Variants in EIF4ENIF1 observed in about 807,000 individuals in gnomAD.
EIF4ENIF1 encodes the protein eukaryotic translation initiation factor 4E nuclear import factor 1, also known as eukaryotic translation initiation factor 4E transporter.
In EIF4ENIF1, 23 loss-of-function variants were observed where a neutral mutation model predicts 110.5. The ratio of observed to expected loss-of-function variants is 0.21; its 90% CI spans 0.15 to 0.29. The LOEUF (loss-of-function observed/expected upper bound fraction) is 0.29, where lower values mean the gene tolerates loss of function less well. Among genes scored for constraint, EIF4ENIF1 ranks in the 10% least tolerant of loss-of-function variants. The pLI is 1.00. For synonymous variants in EIF4ENIF1, 440 were observed against 437.0 expected (o/e 1.01, Z -0.09); for missense variants, 1,031 against 1,221.1 (o/e 0.84, Z 2.32).
chr22:31,440,802 G>A lies in EIF4ENIF1; in HGVS notation c.2618C>T (p.Pro873Leu), dbSNP rs1368507261. 4 of 1,613,830 alleles carry A rather than the reference G, an allele frequency of 2.5e-6. No individual in the cohort carries two copies. Among genetic ancestry groups the A allele is most frequent in the Non-Finnish European group, 3.4e-6 (4 of 1,179,882 alleles). ...ACTAGCAGCAGGTAAAGGGTAAAAG[G>A]GCTGACCCAGGATGGGGCCAGATAT... ...QGISGPILGQ[P>L]FYPLPAASHP... The change falls in exon 18 of 19, where the codon CCC becomes CTC. Residue 873 changes from proline (P) to leucine (L), a missense_variant. Around this residue, in one of 3 missense-constraint regions of EIF4ENIF1, gnomAD observed 309 missense variants for 299.1 expected, o/e 1.03. Transcript: ENST00000330125.
At chr22:31,450,141 C>T in intron 11 of EIF4ENIF1, 148 bp downstream of exon 11, 2 of 677,638 alleles carry the variant, frequency 3.0e-6, no homozygotes, top group South Asian at 3.6e-5. Context: ...AAAAGCAACA[C>T]CAAACTATGT....
intron 17 of EIF4ENIF1, among the ~76,000 whole-genome samples, chr22:31,441,550 G>GAAAAAAAAAAAAAAAA (rs771597260): frequency 4.4e-4 from 29 of 65,246 alleles, no homozygotes; most frequent in African/African-American, 1.5e-3. Flanking sequence ...CTACAAAAAG[G>GAAAAAAAAAAAAAAAA]AAAAAAAAAA....
downstream of EIF4ENIF1, among the ~76,000 whole-genome samples, chr22:31,438,181 G>C (rs1407486538): frequency 6.6e-6 from 1 of 152,078 alleles, no homozygotes; most frequent in Non-Finnish European, 1.5e-5. Flanking sequence ...TCCTAAAATG[G>C]TCCTGAATGG....
intron 18 of EIF4ENIF1, 145 bp from the exon 19 acceptor site, chr22:31,440,266 C>A: frequency 1.6e-6 from 2 of 1,229,234 alleles, no homozygotes; most frequent in Non-Finnish European, 2.3e-6. Flanking sequence ...AAAATACCAA[C>A]AATGCCAGAA....
intron 3 of EIF4ENIF1, among the ~76,000 whole-genome samples, chr22:31,471,277 G>A (rs1407030565): frequency 6.6e-6 from 1 of 151,180 alleles, no homozygotes; most frequent in Non-Finnish European, 1.5e-5. Context: ...AAAACCACTG[G>A]TAGAGGACAA....
chr22:31,453,298 T>C, intron 10 of EIF4ENIF1: 1 of 353,676 alleles, frequency 2.8e-6, no homozygotes, highest in Non-Finnish European at 5.6e-6. Context: ...TGCCTACAAG[T>C]TTTGTTTTTA....
At chr22:31,450,840 A>C (rs2050635351) in intron 10 of EIF4ENIF1, 1 of 145,884 alleles carries the variant, frequency 6.9e-6, no homozygotes, top group Non-Finnish European at 1.4e-5. Flanking sequence ...ACATATATAT[A>C]TACTACACAC....
chr22:31,476,533 G>A (rs772998595), intron 2 of EIF4ENIF1, among the ~76,000 whole-genome samples: 2 of 152,110 alleles, frequency 1.3e-5, no homozygotes, highest in Non-Finnish European at 2.9e-5. Flanking sequence ...TAAAGAGAGA[G>A]GACAACTAAA....
At chr22:31,459,449 A>T (rs1453727933) in intron 6 of EIF4ENIF1, among the ~76,000 whole-genome samples, 1 of 152,164 alleles carries the variant, frequency 6.6e-6, no homozygotes, top group Non-Finnish European at 1.5e-5. Flanking sequence ...TCATCCTTCA[A>T]GGCGAAATTC....
chr22:31,458,897 C>G (rs2050908203), intron 6 of EIF4ENIF1, among the ~76,000 whole-genome samples: 1 of 146,206 alleles, frequency 6.8e-6, no homozygotes, highest in South Asian at 2.2e-4. Flanking sequence ...TTCGTGGGAA[C>G]TTCATATTTT....
chr22:31,454,454 T>C, intron 9 of EIF4ENIF1, 78 bp from the exon 10 acceptor site: 1 of 1,204,758 alleles, frequency 8.3e-7, no homozygotes, highest in Non-Finnish European at 1.2e-6. Flanking sequence ...GTATGACAGA[T>C]AAGATGAAAA....
intron 6 of EIF4ENIF1, among the ~76,000 whole-genome samples, chr22:31,459,510 C>T (rs192034293): frequency 6.6e-6 from 1 of 152,192 alleles, no homozygotes; most frequent in Non-Finnish European, 1.5e-5. Context: ...TTTTGCCCTA[C>T]CTAGTAAAAT....
At chr22:31,462,424 G>T (rs1209341280) in intron 6 of EIF4ENIF1, among the ~76,000 whole-genome samples, 5 of 151,576 alleles carry the variant, frequency 3.3e-5, no homozygotes, top group African/African-American at 1.2e-4. Context: ...AATGGAGGCT[G>T]CAGTGAGCTG....
At chr22:31,461,279 T>C (rs2050985416) in intron 6 of EIF4ENIF1, among the ~76,000 whole-genome samples, 1 of 152,194 alleles carries the variant, frequency 6.6e-6, no homozygotes. Flanking sequence ...ACCATCAGCC[T>C]GGGACTGGCC....
In EIF4ENIF1 at chr22:31,455,944, C is replaced by T. The variant is rs1166291611; in HGVS notation, c.1007G>A (p.Arg336Gln). 1.9e-6 allele frequency: 3 copies of T among 1,614,076 alleles called. No individual in the cohort carries two copies. The highest frequency in any genetic ancestry group is 1.7e-5 in the Admixed American group (1 of 59,990). ...CGGGTTAGAGAACCACCTACTGAAC[C>T]GACTGGCAGAGACTGACCCTTCTCC... The part of the protein sequence containing the change: ...VLGEGSVSAS[R>Q]FSRWFSNPSR... Residue 336 changes from arginine (R) to glutamine (Q), a missense_variant, in exon 8 of 19, where the codon CGG (arginine) becomes CAG (glutamine). By Grantham distance (43) the Arg-to-Gln change is conservative (BLOSUM62 1). Around this residue, in one of 3 missense-constraint regions of EIF4ENIF1, gnomAD observed 704 missense variants for 879.7 expected, o/e 0.80. Coordinates refer to ENST00000330125, the MANE Select transcript of EIF4ENIF1 (RefSeq NM_019843.4).
At chr22:31,466,677 T>C (rs2051201992) in intron 4 of EIF4ENIF1, among the ~76,000 whole-genome samples, 1 of 146,166 alleles carries the variant, frequency 6.8e-6, no homozygotes, top group Admixed American at 6.9e-5. Context: ...CACATAGGAA[T>C]ACTAGGGAAC....
At chr22:31,492,889 G>A (rs181803167), upstream of EIF4ENIF1, among the ~76,000 whole-genome samples, 48 of 152,022 alleles carry the variant, frequency 3.2e-4, no homozygotes, top group African/African-American at 6.8e-4. Context: ...ATGCCACCAC[G>A]CCCAGCTAAT....
chr22:31,444,081 A>T (rs1281726919), intron 15 of EIF4ENIF1, among the ~76,000 whole-genome samples: 1 of 152,192 alleles, frequency 6.6e-6, no homozygotes, highest in Non-Finnish European at 1.5e-5. Flanking sequence ...TACAGGCGTG[A>T]GCCACCACGC....
rs141669369 is a variant in EIF4ENIF1 at position 31,447,492 on chromosome 22, G to T, written c.1922C>A (p.Ala641Glu). 32 of 1,613,000 alleles carry T rather than the reference G, an allele frequency of 2.0e-5. No homozygotes were observed. In the African/African-American group the frequency reaches 3.3e-4, roughly 17 times the overall value. The change falls in exon 14 of 19, where the codon GCA becomes GAA. Residue 641 changes from alanine (A) to glutamate (E), a missense_variant. Transcript: ENST00000330125. ...ALPHDLAVQAANFYQPGFGKP... is the reference protein window; with the variant it reads ...ALPHDLAVQAENFYQPGFGKP... Reference sequence around the variant, plus strand: ...GCCAAAACCAGGCTGGTAGAAGTTTGCTGCCTGTACAGCAAGGTCATGTGG... The same window carrying T: ...GCCAAAACCAGGCTGGTAGAAGTTTTCTGCCTGTACAGCAAGGTCATGTGG...
Sources: gnomAD v4.1 joint callset for allele counts (sites outside exome capture counted in the v4.1 genomes callset) on GRCh38, gnomAD v4.1.1 for gene constraint, gnomAD v4.1.1 regional missense constraint, MANE v1.5 for transcripts, NCBI Gene and HGNC (gene_info 2026-07-23, HGNC 2026-07-21) for gene names.